The following CCSER1 variants were observed in gnomAD, a reference collection of about 807,000 sequenced individuals.
CCSER1 encodes serine-rich coiled-coil domain-containing protein 1.
CCSER1 carries 41 observed loss-of-function variants against 82.0 expected under a neutral mutation model. The ratio of observed to expected loss-of-function variants is 0.50; its 90% CI spans 0.39 to 0.65. CCSER1 has a LOEUF of 0.65. Among genes scored for constraint, CCSER1 ranks in the 30% least tolerant of loss-of-function variants. The pLI, the probability that CCSER1 is intolerant of heterozygous loss-of-function variation, is 0.00. For synonymous variants in CCSER1, 414 were observed against 383.9 expected (o/e 1.08, Z -0.92); for missense variants, 1,119 against 1,064.2 (o/e 1.05, Z -0.72).
chr4:90,702,424 T>G (rs1256429116), intron 6 of CCSER1, among the ~76,000 whole-genome samples: 2 of 152,220 alleles, frequency 1.3e-5, no homozygotes, highest in African/African-American at 4.8e-5. Context: ...GATATTGGTC[T>G]AAAATTCTCT....
intron 1 of CCSER1, among the ~76,000 whole-genome samples, chr4:90,269,231 A>G (rs1055196349): frequency 3.3e-5 from 5 of 152,280 alleles, no homozygotes; most frequent in Admixed American, 6.5e-5. Flanking sequence ...TGCAGAGTAC[A>G]TAGTCTTCTC....
chr4:90,484,802 C>G (rs1176807292), intron 5 of CCSER1, among the ~76,000 whole-genome samples: 1 of 152,206 alleles, frequency 6.6e-6, no homozygotes, highest in Non-Finnish European at 1.5e-5. Flanking sequence ...GGGTTCCTCC[C>G]AGTTAGGCTA....
intron 1 of CCSER1, among the ~76,000 whole-genome samples, chr4:90,208,026 G>C (rs1334044108): frequency 5.3e-5 from 8 of 152,064 alleles, no homozygotes; most frequent in Non-Finnish European, 1.0e-4. Context: ...CTTGAGCACT[G>C]TGCCGGGAGA....
intron 8 of CCSER1, among the ~76,000 whole-genome samples, chr4:90,877,033 T>C (rs2150054938): frequency 6.6e-6 from 1 of 152,258 alleles, no homozygotes; most frequent in South Asian, 2.1e-4. Flanking sequence ...ATCCAACACT[T>C]TTTTTCTTTA....
At chr4:91,421,694 T>G (rs1753691283) in intron 10 of CCSER1, among the ~76,000 whole-genome samples, 1 of 152,048 alleles carries the variant, frequency 6.6e-6, no homozygotes, top group Non-Finnish European at 1.5e-5. Flanking sequence ...TTAATTTGAT[T>G]GTAGTAATCA....
At chr4:91,000,009 G>A (rs1416716022) in intron 9 of CCSER1, among the ~76,000 whole-genome samples, 1 of 151,568 alleles carries the variant, frequency 6.6e-6, no homozygotes, top group Non-Finnish European at 1.5e-5. Flanking sequence ...CATATGGCTA[G>A]ACAGCTATCC....
intron 10 of CCSER1, among the ~76,000 whole-genome samples, chr4:91,200,910 CTAT>C (rs1336439826): frequency 2.7e-5 from 4 of 150,528 alleles, no homozygotes; most frequent in East Asian, 1.9e-4. Flanking sequence ...GTTTATTAAT[CTAT>C]TATTGTAGTC....
chr4:90,287,973 A>C (rs539065420), intron 1 of CCSER1, among the ~76,000 whole-genome samples: 2 of 152,010 alleles, frequency 1.3e-5, no homozygotes, highest in South Asian at 2.1e-4. Context: ...ACAACAAAAA[A>C]AACCCTGGGC....
chr4:90,852,623 C>T (rs901031759), intron 8 of CCSER1, among the ~76,000 whole-genome samples: 9 of 152,194 alleles, frequency 5.9e-5, no homozygotes, highest in African/African-American at 2.2e-4. Context: ...TAACCCTTTA[C>T]TGACAAAGCT....
intron 1 of CCSER1, among the ~76,000 whole-genome samples, chr4:90,181,808 T>A (rs1733781740): frequency 1.3e-5 from 2 of 152,290 alleles, no homozygotes; most frequent in South Asian, 4.1e-4. Flanking sequence ...GACACTCAGC[T>A]GGTGAGTCAG....
At chr4:90,986,324 T>C (rs1253525704) in intron 9 of CCSER1, among the ~76,000 whole-genome samples, 1 of 151,816 alleles carries the variant, frequency 6.6e-6, no homozygotes, top group Non-Finnish European at 1.5e-5. Context: ...TTGATGTTTT[T>C]AATACACACT....
chr4:90,497,879 A>C (rs1162212923), intron 5 of CCSER1, among the ~76,000 whole-genome samples: 1 of 151,888 alleles, frequency 6.6e-6, no homozygotes, highest in African/African-American at 2.4e-5. Flanking sequence ...ATCAGCAGCT[A>C]TTCAGGGAAG....
intron 4 of CCSER1, among the ~76,000 whole-genome samples, chr4:90,425,829 G>A (rs919269514): frequency 1.8e-4 from 28 of 151,988 alleles, no homozygotes; most frequent in Non-Finnish European, 4.4e-5. Context: ...TTGACTTCCA[G>A]CAAATATTTA....
intron 4 of CCSER1, among the ~76,000 whole-genome samples, chr4:90,402,860 A>G (rs1476570225): frequency 6.6e-6 from 1 of 152,234 alleles, no homozygotes; most frequent in Non-Finnish European, 1.5e-5. Flanking sequence ...AATAATTTTT[A>G]CAATGAATCT....
intron 6 of CCSER1, among the ~76,000 whole-genome samples, chr4:90,674,323 A>G (rs1733386156): frequency 6.6e-6 from 1 of 151,918 alleles, no homozygotes; most frequent in African/African-American, 2.4e-5. Context: ...ATAGTTTGAA[A>G]TCCCACAGCA....
chr4:91,116,405 G>C (rs1048655449), intron 10 of CCSER1, among the ~76,000 whole-genome samples: 1 of 152,116 alleles, frequency 6.6e-6, no homozygotes, highest in South Asian at 2.1e-4. Flanking sequence ...AGTGATGAGA[G>C]GGCATGCTCT....
At chr4:90,432,850 C>T (rs190035961) in intron 4 of CCSER1, among the ~76,000 whole-genome samples, 11 of 152,200 alleles carry the variant, frequency 7.2e-5, no homozygotes, top group South Asian at 2.1e-4. Context: ...ACTCCTTCCT[C>T]GAATTCTTAA....
chr4:90,431,434 A>G (rs1280081792), intron 4 of CCSER1, among the ~76,000 whole-genome samples: 2 of 152,118 alleles, frequency 1.3e-5, no homozygotes, highest in Non-Finnish European at 1.5e-5. Flanking sequence ...ATAGTACACC[A>G]GAGAGTCTTA....
rs200689531 is a variant in CCSER1 at position 90,562,852 on chromosome 4, TAA to T, written c.1725-65159_1725-65158del. Among the ~76,000 whole-genome samples, 145 of 137,290 alleles carry T rather than the reference TAA, an allele frequency of 1.1e-3. 2 individuals carry two copies. The East Asian group carries it at 0.014, about 13-fold the overall frequency. The allele number at this position is 137,290 out of a possible 152,430, so 90.1% of individuals were successfully genotyped here. On this transcript the variant is annotated intron_variant, in intron 5 of 10. Transcript: ENST00000509176. ...CATGCCCAGCCTCCCTTTTTTTTTT[TAA>T]AAAAAAAAAAAAAGACCTAAAGATA...
Sources: gnomAD v4.1 joint callset for allele counts (sites outside exome capture counted in the v4.1 genomes callset) on GRCh38, gnomAD v4.1.1 for gene constraint, MANE v1.5 for transcripts, NCBI Gene and HGNC (gene_info 2026-07-23, HGNC 2026-07-21) for gene names.